Variants in LRCH3 observed in about 807,000 individuals in gnomAD.
The protein encoded by LRCH3 is DISP complex protein LRCH3.
Under a neutral mutation model 104.5 loss-of-function variants are expected in LRCH3, and 68 were observed. The ratio of observed to expected loss-of-function variants is 0.65; its 90% CI spans 0.54 to 0.80. The LOEUF is 0.80. Ranked by LOEUF, LRCH3 falls within the 30% of genes least tolerant of loss-of-function variation. LRCH3 has a pLI of 0.00. For missense variants in LRCH3, 951 were observed against 953.9 expected (o/e 1.00, Z 0.04); for synonymous variants, 344 against 361.3 (o/e 0.95, Z 0.54).
At chr3:197,798,852 T>G (rs1156951664) in intron 1 of LRCH3, among the ~76,000 whole-genome samples, 3 of 152,244 alleles carry the variant, frequency 2.0e-5, no homozygotes, top group African/African-American at 7.2e-5. Flanking sequence ...AATTTAAAAC[T>G]TGGTTCTTCA....
chr3:197,794,126 A>G (rs961336525), intron 1 of LRCH3, among the ~76,000 whole-genome samples: 2 of 152,032 alleles, frequency 1.3e-5, no homozygotes, highest in Non-Finnish European at 2.9e-5. Flanking sequence ...GGCCCAGGTT[A>G]TAGCTATCAC....
intron 6 of LRCH3, among the ~76,000 whole-genome samples, chr3:197,829,954 T>C (rs140527197): frequency 1.2e-4 from 19 of 152,344 alleles, no homozygotes; most frequent in Non-Finnish European, 1.5e-4. Context: ...CCTTGGTGTC[T>C]GCCCATTAGA....
intron 4 of LRCH3, among the ~76,000 whole-genome samples, chr3:197,820,646 A>T (rs1226644478): frequency 6.6e-6 from 1 of 152,158 alleles, no homozygotes. Flanking sequence ...CTGTCTCTAC[A>T]GAAAATTAAC....
chr3:197,812,460 T>C (rs1733235099), intron 1 of LRCH3, among the ~76,000 whole-genome samples: 1 of 146,836 alleles, frequency 6.8e-6, no homozygotes, highest in South Asian at 2.2e-4. Flanking sequence ...ATAATGCTGA[T>C]GTAAATATTG....
At chr3:197,880,946 A>G (rs566530474) in intron 20 of LRCH3, 68 of 1,394,658 alleles carry the variant, frequency 4.9e-5, no homozygotes, top group Non-Finnish European at 5.9e-5. Context: ...TCTCCTGGTC[A>G]TCCGTCCATT....
chr3:197,881,535 T>A, intron 20 of LRCH3: 1 of 985,304 alleles, frequency 1.0e-6, no homozygotes, highest in Non-Finnish European at 1.2e-6. Context: ...ATTTCTAACA[T>A]ATTCAAACCT....
chr3:197,823,967 A>T (rs1734796077), intron 4 of LRCH3, among the ~76,000 whole-genome samples: 1 of 152,178 alleles, frequency 6.6e-6, no homozygotes, highest in Non-Finnish European at 1.5e-5. Flanking sequence ...CTTCTGATTA[A>T]ATTGTTACTC....
At chr3:197,849,775 C>T (rs1560578363) in intron 12 of LRCH3, among the ~76,000 whole-genome samples, 1 of 152,074 alleles carries the variant, frequency 6.6e-6, no homozygotes, top group Non-Finnish European at 1.5e-5. Context: ...TTCTGAAAGC[C>T]TAACTTGGTT....
chr3:197,846,401 CAAAA>C (rs869092632), intron 10 of LRCH3, among the ~76,000 whole-genome samples: 5 of 122,548 alleles, frequency 4.1e-5, no homozygotes, highest in Non-Finnish European at 8.6e-5. Flanking sequence ...AAAAAAAAAA[CAAAA>C]AAAAAACGGC....
chr3:197,824,933 G>T (rs775049198), intron 4 of LRCH3, among the ~76,000 whole-genome samples: 78 of 152,278 alleles, frequency 5.1e-4, no homozygotes, highest in Middle Eastern at 3.4e-3. Flanking sequence ...ATCTTCCTCA[G>T]TTACTCCCTG....
At chr3:197,845,885 C>T (rs1454767642) in intron 10 of LRCH3, among the ~76,000 whole-genome samples, 1 of 152,162 alleles carries the variant, frequency 6.6e-6, no homozygotes, top group Non-Finnish European at 1.5e-5. Context: ...GCCTGGGTGA[C>T]AGGGCAAGAC....
intron 9 of LRCH3, among the ~76,000 whole-genome samples, chr3:197,839,044 T>C (rs572059965): frequency 6.6e-6 from 1 of 152,308 alleles, no homozygotes; most frequent in South Asian, 2.1e-4. Context: ...TCAGTAAATA[T>C]TACTGTGCTT....
Position 197,885,430 on chromosome 3 carries a change from G to A in LRCH3, c.*1764G>A, listed in dbSNP as rs1714119590. On this transcript the variant is annotated 3_prime_UTR_variant, in exon 21 of 21. Transcript: ENST00000425562. Reference sequence around the variant, plus strand: ...GTTTGAGACCAGCCTGACCAACATGGAGAAACCCCGTCTCTACTAAAAATA... The same window carrying A: ...GTTTGAGACCAGCCTGACCAACATGAAGAAACCCCGTCTCTACTAAAAATA... 6.6e-6 allele frequency: 1 copy of A among 152,184 alleles called. No individual in the cohort carries two copies. The allele number at this position is 152,184 out of a possible 1,614,324, so 9.4% of individuals were successfully genotyped here.
intron 1 of LRCH3, among the ~76,000 whole-genome samples, chr3:197,796,974 C>T (rs1560515858): frequency 2.6e-5 from 4 of 151,954 alleles, no homozygotes; most frequent in Middle Eastern, 3.2e-3. Flanking sequence ...GGGTGGATCA[C>T]GAGATCAGGA....
chr3:197,859,176 G>C, intron 15 of LRCH3: 1 of 417,940 alleles, frequency 2.4e-6, no homozygotes, highest in South Asian at 2.6e-5. Context: ...TTTCTTGTGA[G>C]TTATTATTTC....
chr3:197,812,456 C>T (rs1445438789), intron 1 of LRCH3, among the ~76,000 whole-genome samples: 2 of 134,656 alleles, frequency 1.5e-5, no homozygotes, highest in South Asian at 2.4e-4. Context: ...GTGAATAATG[C>T]TGATGTAAAT....
chr3:197,881,254 G>C (rs3749256), intron 20 of LRCH3: 16,709 of 996,724 alleles, frequency 0.017, 162 homozygotes, highest in East Asian at 0.041. Context: ...CGCTTTGTCG[G>C]TAGGCACAGG....
Position 197,846,762 on chromosome 3 carries a change from CA to C in LRCH3, c.1329-646del, listed in dbSNP as rs535954785. Among the ~76,000 whole-genome samples, 279 of 152,194 alleles carry C rather than the reference CA, an allele frequency of 1.8e-3. 1 individual carries two copies. Among genetic ancestry groups the C allele is most frequent in the African/African-American group, 6.5e-3 (270 of 41,528 alleles). ...TAACTAATCTTGCCAGTTTTAGTTTCAGACACAAAGATGAGTTACAGAGACT... is the reference window on the plus strand; with the variant it reads ...TAACTAATCTTGCCAGTTTTAGTTTCGACACAAAGATGAGTTACAGAGACT... On this transcript the variant is annotated intron_variant, in intron 10 of 20. Coordinates refer to ENST00000425562, the MANE Select transcript of LRCH3 (RefSeq NM_001365715.1).
At chr3:197,819,496 A>G (rs1263396976) in intron 3 of LRCH3, among the ~76,000 whole-genome samples, 2 of 151,844 alleles carry the variant, frequency 1.3e-5, no homozygotes, top group African/African-American at 4.8e-5. Flanking sequence ...CAGGTGGATC[A>G]CCTGAGGTCA....
Sources: allele counts gnomAD v4.1 joint callset (sites outside exome capture counted in the v4.1 genomes callset), GRCh38; gene constraint gnomAD v4.1.1; transcripts MANE v1.5; gene names NCBI Gene and HGNC (gene_info 2026-07-23, HGNC 2026-07-21).